Variants in CPNE4 observed in about 807,000 individuals in gnomAD.
The protein encoded by CPNE4 is copine-4.
CPNE4 carries 25 observed loss-of-function variants against 67.9 expected under a neutral mutation model. The ratio of observed to expected loss-of-function variants is 0.37; its 90% CI spans 0.27 to 0.51. The LOEUF (loss-of-function observed/expected upper bound fraction) is 0.51, where lower values mean the gene tolerates loss of function less well. Ranked by LOEUF, CPNE4 falls within the 20% of genes least tolerant of loss-of-function variation. The pLI is 0.93. For missense variants in CPNE4, 464 were observed against 690.8 expected, an observed-to-expected ratio of 0.67 and a Z score of 3.68; for synonymous variants, 242 against 244.9, an observed-to-expected ratio of 0.99 and a Z score of 0.11.
intron 5 of CPNE4, among the ~76,000 whole-genome samples, chr3:131,688,043 G>T (rs556145067): frequency 6.6e-6 from 1 of 152,338 alleles, no homozygotes; most frequent in East Asian, 1.9e-4. Context: ...CTCATCTGAA[G>T]TCTTTGCACT....
chr3:131,982,321 A>G (rs1002898340), intron 1 of CPNE4, among the ~76,000 whole-genome samples: 2 of 152,162 alleles, frequency 1.3e-5, no homozygotes, highest in Non-Finnish European at 2.9e-5. Context: ...ATATAAATAC[A>G]TTTGTCATGA....
chr3:132,037,700 T>A, upstream of CPNE4: 1 of 1,123,958 alleles, frequency 8.9e-7, no homozygotes, highest in Non-Finnish European at 1.3e-6. Context: ...GTAGATTCAC[T>A]CGCCGGGTTT....
intron 2 of CPNE4, among the ~76,000 whole-genome samples, chr3:131,863,337 T>C (rs566173016): frequency 7.6e-4 from 116 of 152,198 alleles, no homozygotes; most frequent in African/African-American, 2.6e-3. Context: ...AGTGTAAAAG[T>C]GTTCCTATTT....
In CPNE4 at chr3:131,719,412, A is replaced by T. The variant is rs1461100734; in HGVS notation, c.360+4034T>A. Among the ~76,000 whole-genome samples, 3 of 152,350 alleles carry T rather than the reference A, an allele frequency of 2.0e-5. No homozygotes were observed. In the East Asian group the frequency reaches 5.8e-4, roughly 29 times the overall value. On this transcript the variant is annotated intron_variant, in intron 3 of 15. Coordinates refer to ENST00000429747, the MANE Select transcript of CPNE4 (RefSeq NM_130808.3). ...AAATGATCAGTATATAAGTTCTTTC[A>T]AAAGTACCAAAAACGTATCTTGAAA...
intron 5 of CPNE4, among the ~76,000 whole-genome samples, chr3:131,696,034 G>A (rs111322633): frequency 6.6e-6 from 1 of 152,110 alleles, no homozygotes; most frequent in African/African-American, 2.4e-5. Flanking sequence ...ACCCAACAAA[G>A]GTTTGGAAAA....
intron 11 of CPNE4, among the ~76,000 whole-genome samples, chr3:131,555,949 A>G (rs1232335371): frequency 6.6e-6 from 1 of 152,130 alleles, no homozygotes; most frequent in Admixed American, 6.5e-5. Context: ...CTTTTAAAAT[A>G]CAAGGAGAGA....
At chr3:131,563,719 G>A (rs190459295) in intron 11 of CPNE4, among the ~76,000 whole-genome samples, 2 of 152,136 alleles carry the variant, frequency 1.3e-5, no homozygotes, top group East Asian at 3.9e-4. Context: ...CTCTGGCTAC[G>A]TGATAGTGTA....
At chr3:131,607,783 A>C (rs975260003) in intron 7 of CPNE4, among the ~76,000 whole-genome samples, 3 of 152,178 alleles carry the variant, frequency 2.0e-5, no homozygotes, top group Non-Finnish European at 4.4e-5. Flanking sequence ...AGATGATAGA[A>C]GTTAAACCGT....
rs199532009 is a variant in CPNE4 at position 131,903,794 on chromosome 3, GT to G, written c.180+1469del. Reference sequence around the variant, plus strand: ...TACCCAGTAAAGTTTAGGTCATATTGTTTCAAGTTCTTGCTCCAAAAAATAA... The same window carrying G: ...TACCCAGTAAAGTTTAGGTCATATTGTTCAAGTTCTTGCTCCAAAAAATAA... On this transcript the variant is annotated intron_variant, in intron 2 of 15. Coordinates refer to ENST00000429747, the MANE Select transcript of CPNE4 (RefSeq NM_130808.3). 2.9e-3 allele frequency among the ~76,000 whole-genome samples: 442 copies of G among 152,172 alleles called. 4 individuals are homozygous for G. Among genetic ancestry groups the G allele is most frequent in the Admixed American group, 0.019 (297 of 15,274 alleles).
At chr3:131,778,631 G>T (rs2083351521) in intron 2 of CPNE4, among the ~76,000 whole-genome samples, 1 of 152,026 alleles carries the variant, frequency 6.6e-6, no homozygotes, top group Non-Finnish European at 1.5e-5. Flanking sequence ...GTTTCTTTTG[G>T]AGAGTGTGCC....
At chr3:131,677,823 T>C (rs1355937690) in intron 6 of CPNE4, among the ~76,000 whole-genome samples, 1 of 152,182 alleles carries the variant, frequency 6.6e-6, no homozygotes, top group African/African-American at 2.4e-5. Context: ...CATGCTGTTT[T>C]GGTGACTGTA....
At chr3:131,828,622 T>C (rs1238038320) in intron 2 of CPNE4, among the ~76,000 whole-genome samples, 1 of 152,196 alleles carries the variant, frequency 6.6e-6, no homozygotes. Context: ...TGGGTGGTTA[T>C]ATTTCTTTCT....
chr3:131,775,360 G>T (rs1277950821), intron 2 of CPNE4, among the ~76,000 whole-genome samples: 1 of 151,990 alleles, frequency 6.6e-6, no homozygotes, highest in Non-Finnish European at 1.5e-5. Flanking sequence ...TCTTTGGTGG[G>T]GTAGAATTTT....
chr3:131,825,004 T>C (rs764019178), intron 2 of CPNE4, among the ~76,000 whole-genome samples: 22 of 152,170 alleles, frequency 1.4e-4, no homozygotes, highest in South Asian at 4.1e-4. Flanking sequence ...AATGAGTTGA[T>C]TGATTTTGCA....
intron 1 of CPNE4, among the ~76,000 whole-genome samples, chr3:132,008,008 A>G (rs1250010167): frequency 6.6e-6 from 1 of 152,188 alleles, no homozygotes; most frequent in African/African-American, 2.4e-5. Context: ...CCTGGAAAGC[A>G]GGGGGTTTTG....
intron 2 of CPNE4, among the ~76,000 whole-genome samples, chr3:131,804,654 G>A (rs1000804368): frequency 6.6e-6 from 1 of 152,192 alleles, no homozygotes; most frequent in Admixed American, 6.5e-5. Flanking sequence ...GGCTGGCCTT[G>A]TAACTTGCTT....
intron 1 of CPNE4, among the ~76,000 whole-genome samples, chr3:131,966,628 C>T (rs1274222239): frequency 6.6e-6 from 1 of 152,034 alleles, no homozygotes; most frequent in Non-Finnish European, 1.5e-5. Context: ...CTAGAAGAAA[C>T]AGATAAATTC....
At chr3:131,609,404 T>C (rs1056457252) in intron 7 of CPNE4, among the ~76,000 whole-genome samples, 2 of 152,198 alleles carry the variant, frequency 1.3e-5, no homozygotes, top group African/African-American at 4.8e-5. Context: ...GTTTCACCTC[T>C]GGACTAAAGT....
chr3:131,576,287 G>A lies in CPNE4; in HGVS notation c.868-1157C>T, dbSNP rs191783628. On this transcript the variant is annotated intron_variant, in intron 9 of 15. Coordinates refer to ENST00000429747, the MANE Select transcript of CPNE4 (RefSeq NM_130808.3). The stretch of plus-strand genomic sequence containing the variant: ...TTACTTTTGGTGTCCTGATGGTAAT[G>A]CTTTGCCTGATAGTTGGGACACTGT... 3.8e-4 allele frequency among the ~76,000 whole-genome samples: 58 copies of A among 152,238 alleles called. 1 individual carries two copies. Among genetic ancestry groups the A allele is most frequent in the Admixed American group, 3.5e-3 (53 of 15,278 alleles).
Sources: allele counts gnomAD v4.1 joint callset (sites outside exome capture counted in the v4.1 genomes callset), GRCh38; gene constraint gnomAD v4.1.1; transcripts MANE v1.5; gene names NCBI Gene and HGNC (gene_info 2026-07-23, HGNC 2026-07-21).